GIGYF2: variants seen among roughly 807,000 people sequenced by gnomAD.
The protein encoded by GIGYF2 is GRB10 interacting GYF protein 2.
In GIGYF2, 25 loss-of-function variants were observed where a neutral mutation model predicts 208.1. That is an observed-to-expected ratio of 0.12 (90% CI 0.09 to 0.17). The LOEUF (loss-of-function observed/expected upper bound fraction) is 0.17. Ranked by LOEUF, GIGYF2 falls within the 10% of genes least tolerant of loss-of-function variation. GIGYF2 has a pLI of 1.00. For missense variants in GIGYF2, 1,302 were observed against 1,579.4 expected, an observed-to-expected ratio of 0.82 and a Z score of 2.98; for synonymous variants, 534 against 543.8, an observed-to-expected ratio of 0.98 and a Z score of 0.25.
In GIGYF2 at chr2:232,844,561, A is replaced by C. The variant is rs775991077; in HGVS notation, c.3292A>C (p.Asn1098His). 3 of 1,611,616 alleles carry C rather than the reference A, an allele frequency of 1.9e-6. No homozygotes were observed. The highest frequency in any genetic ancestry group is 1.7e-4 in the Middle Eastern group (1 of 6,058). The change falls in exon 25 of 29, where the codon AAC (asparagine) becomes CAC (histidine). Residue 1098 changes from asparagine (N) to histidine (H), a missense_variant. Asn to His is a moderately conservative substitution (Grantham distance 68). This residue lies in a region of GIGYF2 where 701 missense variants were observed against 793.0 expected (regional missense o/e 0.88). Transcript: ENST00000373563. ...PRNSTNKNKNNASLSKSVGVS... is the reference protein window; with the variant it reads ...PRNSTNKNKNHASLSKSVGVS... ...GAATTCAACAAATAAAAATAAAAAC[A>C]ACGCCAGTCTCAGGTAGGGCTCAAA...
At position 232,821,962 on chromosome 2, in the gene GIGYF2, A is replaced by T. The variant is rs115031147; in HGVS notation, c.2529+1977A>T. On this transcript the variant is annotated intron_variant, in intron 21 of 28. Transcript: ENST00000373563. ...ATATTTTTTTTTTTTTTTTTACTGGACTCTTCCCTTTTCTTCCATTGATAA... is the reference window on the plus strand; with the variant it reads ...ATATTTTTTTTTTTTTTTTTACTGGTCTCTTCCCTTTTCTTCCATTGATAA... Among the ~76,000 whole-genome samples the T allele has an allele frequency of 4.7e-3, 645 of 137,368 alleles. 6 individuals carry two copies. Among genetic ancestry groups the T allele is most frequent in the African/African-American group, 0.016 (602 of 36,746 alleles). The allele number at this position is 137,368 out of a possible 152,430, so 90.1% of individuals were successfully genotyped here. A position where few individuals can be genotyped will look rare whatever the true frequency, so the allele number is the denominator to read the frequency against.
intron 6 of GIGYF2, among the ~76,000 whole-genome samples, chr2:232,756,754 A>G (rs1698560127): frequency 6.6e-6 from 1 of 152,224 alleles, no homozygotes; most frequent in Admixed American, 6.5e-5. Context: ...GAGGGGCTTT[A>G]ACAAAAACTG....
chr2:232,767,574 G>A (rs965786351), intron 8 of GIGYF2: 2 of 154,866 alleles, frequency 1.3e-5, no homozygotes, highest in Non-Finnish European at 2.9e-5. Context: ...ATGTGTTCGG[G>A]TGTCATGTTC....
intron 20 of GIGYF2, among the ~76,000 whole-genome samples, chr2:232,818,403 T>G (rs757977376): frequency 6.6e-6 from 1 of 152,178 alleles, no homozygotes; most frequent in Non-Finnish European, 1.5e-5. Context: ...TTTGAAGAAA[T>G]TTAGACAGAA....
intron 2 of GIGYF2, among the ~76,000 whole-genome samples, chr2:232,723,424 TTTC>T (rs1216229981): frequency 6.9e-6 from 1 of 145,940 alleles, no homozygotes; most frequent in Non-Finnish European, 1.5e-5. Flanking sequence ...CTAAGATTCT[TTTC>T]TTTTCTTTTT....
chr2:232,735,115 A>G, intron 2 of GIGYF2, 40 bp from the exon 3 acceptor site: 1 of 908,996 alleles, frequency 1.1e-6, no homozygotes, highest in Non-Finnish European at 1.8e-6. Context: ...TCCACATTTA[A>G]TCTCAACTAA....
intron 28 of GIGYF2, among the ~76,000 whole-genome samples, chr2:232,852,852 G>A (rs1459196170): frequency 1.3e-5 from 2 of 152,202 alleles, no homozygotes; most frequent in African/African-American, 2.4e-5. Context: ...AGGTCAGACC[G>A]TTTGGACTTA....
rs372599514 is a variant in GIGYF2, at chr2:232,784,152, G to T, written c.533-2998G>T. On this transcript the variant is annotated intron_variant, in intron 8 of 28. Coordinates refer to ENST00000373563, the MANE Select transcript of GIGYF2 (RefSeq NM_001103146.3). ...CACATTTTTAAAAAGCCTGTTTAGG[G>T]CAACAGTTGGAAATAAGTGATGAAG... 1.9e-4 allele frequency among the ~76,000 whole-genome samples: 29 copies of T among 152,150 alleles called. 1 individual carries two copies. The highest frequency in any genetic ancestry group is 6.5e-4 in the African/African-American group (27 of 41,504).
At chr2:232,718,040 T>A (rs932712924) in intron 2 of GIGYF2, among the ~76,000 whole-genome samples, 3 of 152,168 alleles carry the variant, frequency 2.0e-5, no homozygotes, top group Non-Finnish European at 4.4e-5. Flanking sequence ...AAACATGATA[T>A]CTGGGTGATT....
rs923694566 is a variant in GIGYF2 at position 232,857,650 on chromosome 2, A to G, written c.*790A>G. ...TATTCTTAATTTTTCTTTCTTACAA[A>G]AACTGATTTTTCCCATAAATATTTT... On this transcript the variant is annotated 3_prime_UTR_variant, in exon 29 of 29. Coordinates refer to ENST00000373563, the MANE Select transcript of GIGYF2 (RefSeq NM_001103146.3). The G allele has an allele frequency of 1.3e-5, 2 of 152,584 alleles. No individual in the cohort carries two copies. Among genetic ancestry groups the G allele is most frequent in the Non-Finnish European group, 2.9e-5 (2 of 68,058 alleles). 9.5% of individuals were successfully genotyped at this position (152,584 alleles called of 1,614,324 possible).
chr2:232,790,691 A>T lies in GIGYF2; in HGVS notation c.713-7A>T. On this transcript the variant is annotated splice_polypyrimidine_tract_variant and splice_region_variant and intron_variant, in intron 9 of 28. Coordinates refer to ENST00000373563, the MANE Select transcript of GIGYF2 (RefSeq NM_001103146.3). Reference sequence around the variant, plus strand: ...TTCTAAGGTTTGTGTCCTCCTTCTCATCTCAGATGGCCCTCGTTCTGCAGG... The same window carrying T: ...TTCTAAGGTTTGTGTCCTCCTTCTCTTCTCAGATGGCCCTCGTTCTGCAGG... The T allele has an allele frequency of 6.2e-7, 1 of 1,610,356 alleles. No individual in the cohort carries two copies. Among genetic ancestry groups the T allele is most frequent in the Middle Eastern group, 1.7e-4 (1 of 6,054 alleles).
intron 21 of GIGYF2, among the ~76,000 whole-genome samples, chr2:232,829,947 GTTCA>G (rs201875664): frequency 1.2e-4 from 18 of 152,006 alleles, no homozygotes; most frequent in African/African-American, 3.1e-4. Context: ...TCTCTCTGGT[GTTCA>G]TTCATTCATT....
In GIGYF2 at chr2:232,794,791, A is replaced by G; in HGVS notation, c.1326A>G (p.Ser442=). The G allele has an allele frequency of 6.2e-7, 1 of 1,613,948 alleles. No homozygotes were observed. Among genetic ancestry groups the G allele is most frequent in the Middle Eastern group, 1.6e-4 (1 of 6,062 alleles). ...DVQQPLSQIP[S]DTASPLLILP... ...AGCAGCCCCTGTCGCAGATTCCTTC[A>G]GATACAGCCTCTCCTCTTCTCATAC... is the stretch of plus-strand genomic sequence containing the variant. Residue 442 remains serine, a synonymous_variant, in exon 13 of 29, where the codon TCA becomes TCG. Coordinates refer to ENST00000373563, the MANE Select transcript of GIGYF2 (RefSeq NM_001103146.3).
At chr2:232,808,201 G>T (rs1700617903) in intron 15 of GIGYF2, among the ~76,000 whole-genome samples, 1 of 152,214 alleles carries the variant, frequency 6.6e-6, no homozygotes. Flanking sequence ...GTTGTTTTAA[G>T]TCACAAGAAA....
At chr2:232,795,987 C>A in intron 13 of GIGYF2, 75 bp from the exon 14 acceptor site, 4 of 1,043,484 alleles carry the variant, frequency 3.8e-6, no homozygotes, top group Non-Finnish European at 6.0e-6. Flanking sequence ...AAAAAAGGGG[C>A]AGGCACTGTT....
chr2:232,843,911 C>A, intron 23 of GIGYF2, 135 bp from the exon 24 acceptor site: 1 of 758,718 alleles, frequency 1.3e-6, no homozygotes, highest in Non-Finnish European at 2.3e-6. Flanking sequence ...TTTTTATTTG[C>A]AACAGCAGAA....
chr2:232,713,631 A>G (rs1696531748), intron 2 of GIGYF2, among the ~76,000 whole-genome samples: 1 of 152,204 alleles, frequency 6.6e-6, no homozygotes, highest in South Asian at 2.1e-4. Context: ...ATACCATGTT[A>G]TACCTAGTCA....
intron 2 of GIGYF2, among the ~76,000 whole-genome samples, chr2:232,707,304 T>G (rs543461934): frequency 2.5e-4 from 38 of 152,310 alleles, no homozygotes; most frequent in African/African-American, 7.9e-4. Context: ...ATTGGTCCTT[T>G]GGTTATACAG....
chr2:232,777,613 T>TCCCCCC (rs3214757), intron 8 of GIGYF2, among the ~76,000 whole-genome samples: 1 of 131,622 alleles, frequency 7.6e-6, no homozygotes, highest in Non-Finnish European at 1.6e-5. Flanking sequence ...ATCCTCTCCG[T>TCCCCCC]CCCCCCCCCG....
Sources: allele counts gnomAD v4.1 joint callset (sites outside exome capture counted in the v4.1 genomes callset), GRCh38; gene constraint gnomAD v4.1.1; regional missense constraint gnomAD v4.1.1; transcripts MANE v1.5; gene names NCBI Gene and HGNC (gene_info 2026-07-23, HGNC 2026-07-21).